Variants in C1orf87 observed in about 807,000 individuals in gnomAD.
C1orf87 encodes the protein chromosome 1 open reading frame 87.
Under a neutral mutation model 60.5 loss-of-function variants are expected in C1orf87, and 58 were observed. That is an observed-to-expected ratio of 0.96 (90% CI 0.78 to 1.19). The LOEUF is 1.19. C1orf87 is among the 50% of genes most tolerant of loss of function. The pLI, the probability that C1orf87 is intolerant of heterozygous loss-of-function variation, is 0.00. For synonymous variants in C1orf87, 236 were observed against 227.4 expected (o/e 1.04, Z -0.34); for missense variants, 673 against 638.6 (o/e 1.05, Z -0.58).
intron 8 of C1orf87, among the ~76,000 whole-genome samples, chr1:60,022,825 A>T (rs1645173207): frequency 1.3e-5 from 2 of 152,192 alleles, no homozygotes; most frequent in Non-Finnish European, 1.5e-5. Flanking sequence ...TGATACCATG[A>T]CAGTCAATCT....
At chr1:60,001,889 C>T (rs1423586207) in intron 9 of C1orf87, among the ~76,000 whole-genome samples, 1 of 152,030 alleles carries the variant, frequency 6.6e-6, no homozygotes, top group Non-Finnish European at 1.5e-5. Flanking sequence ...AGGCTGCTGC[C>T]TTCATGAACA....
chr1:60,028,851 T>C (rs1574309204), intron 7 of C1orf87, among the ~76,000 whole-genome samples: 1 of 152,026 alleles, frequency 6.6e-6, no homozygotes, highest in South Asian at 2.1e-4. Context: ...TTTTTTTTTT[T>C]CCACTCCCAT....
At chr1:60,014,228 T>C (rs1304868360) in intron 8 of C1orf87, among the ~76,000 whole-genome samples, 1 of 152,052 alleles carries the variant, frequency 6.6e-6, no homozygotes, top group African/African-American at 2.4e-5. Context: ...ACAACACTTG[T>C]GTAATTTTCT....
chr1:59,991,133 A>G (rs1160571987), intron 11 of C1orf87, among the ~76,000 whole-genome samples: 1 of 152,204 alleles, frequency 6.6e-6, no homozygotes, highest in Non-Finnish European at 1.5e-5. Flanking sequence ...AAAACTTGTA[A>G]GGCCAATTTT....
In C1orf87 at chr1:60,065,014, T is replaced by A. The variant is rs867832992; in HGVS notation, c.107+7523A>T. 1.4e-4 allele frequency among the ~76,000 whole-genome samples: 3 copies of A among 20,874 alleles called. 1 individual carries two copies. The highest frequency in any genetic ancestry group is 1.1e-3 in the Admixed American group (2 of 1,758). 13.7% of individuals were successfully genotyped at this position (20,874 alleles called of 152,430 possible). A position where few individuals can be genotyped will look rare whatever the true frequency, so the allele number is the denominator to read the frequency against. ...ATACATATAAATATTAAATATATAT[T>A]AAATATATATATTTAATATATATAT... On this transcript the variant is annotated intron_variant, in intron 2 of 11. Coordinates refer to ENST00000371201, the MANE Select transcript of C1orf87 (RefSeq NM_152377.3).
At chr1:60,059,984 C>A (rs940048691) in intron 2 of C1orf87, among the ~76,000 whole-genome samples, 2 of 151,910 alleles carry the variant, frequency 1.3e-5, no homozygotes, top group African/African-American at 4.8e-5. Context: ...GAGGGGAGTA[C>A]AGCTGAAAAA....
At chr1:60,007,389 T>C (rs918685632) in intron 9 of C1orf87, among the ~76,000 whole-genome samples, 2 of 152,184 alleles carry the variant, frequency 1.3e-5, no homozygotes, top group African/African-American at 2.4e-5. Flanking sequence ...AGATATTCCA[T>C]TTGATTCCTT....
chr1:60,004,809 G>T (rs1645031115), intron 9 of C1orf87, among the ~76,000 whole-genome samples: 2 of 151,942 alleles, frequency 1.3e-5, no homozygotes, highest in African/African-American at 4.8e-5. Context: ...GGAGGGCCAG[G>T]TTTTACAGGG....
At chr1:60,029,999 T>C (rs1645226105) in intron 7 of C1orf87, among the ~76,000 whole-genome samples, 1 of 152,128 alleles carries the variant, frequency 6.6e-6, no homozygotes, top group South Asian at 2.1e-4. Flanking sequence ...GTTTACATCA[T>C]CTCCTCTGGA....
chr1:60,043,467 C>T (rs184170721), intron 3 of C1orf87, among the ~76,000 whole-genome samples: 88 of 152,134 alleles, frequency 5.8e-4, no homozygotes, highest in African/African-American at 2.0e-3. Context: ...CTGCAACTTC[C>T]GCCTTCTGGG....
intron 11 of C1orf87, among the ~76,000 whole-genome samples, chr1:59,996,506 C>T (rs1327073126): frequency 6.6e-6 from 1 of 152,140 alleles, no homozygotes; most frequent in Admixed American, 6.5e-5. Flanking sequence ...CTCCAAATTC[C>T]TTGGTCTGGC....
At position 60,038,062 on chromosome 1, in the gene C1orf87, CT is replaced by C; in HGVS notation, c.792del (p.Asp265IlefsTer12). The C allele has an allele frequency of 6.2e-7, 1 of 1,609,602 alleles. No individual in the cohort carries two copies. Among genetic ancestry groups the C allele is most frequent in the Middle Eastern group, 1.7e-4 (1 of 6,052 alleles). ...GCTGCTTTATTTTGCTGTGGATAAT[CT>C]GATGCTGCACTGTTTAAAAACCAGA... ...KLLWFLNSAA[S>X]DYPQQNKAAA... On this transcript the variant is annotated frameshift_variant, in exon 6 of 12. Coordinates refer to ENST00000371201, the MANE Select transcript of C1orf87 (RefSeq NM_152377.3). LOFTEE classifies it high-confidence loss of function.
chr1:60,065,062 T>TATA (rs1645535804), intron 2 of C1orf87, among the ~76,000 whole-genome samples: 1 of 124,076 alleles, frequency 8.1e-6, no homozygotes, highest in African/African-American at 3.0e-5. Flanking sequence ...AAAATATATA[T>TATA]TATTTATATA....
intron 3 of C1orf87, among the ~76,000 whole-genome samples, chr1:60,044,752 T>G (rs1645353769): frequency 6.6e-6 from 1 of 152,118 alleles, no homozygotes; most frequent in South Asian, 2.1e-4. Flanking sequence ...TTATCAAGAT[T>G]CCCCAGGTTT....
At chr1:60,044,215 A>G (rs991806156) in intron 3 of C1orf87, among the ~76,000 whole-genome samples, 4 of 152,046 alleles carry the variant, frequency 2.6e-5, no homozygotes, top group Non-Finnish European at 5.9e-5. Flanking sequence ...TATTTTTAGT[A>G]GAGACGGGGT....
At chr1:60,041,588 A>G (rs1015743213) in intron 3 of C1orf87, among the ~76,000 whole-genome samples, 1 of 152,252 alleles carries the variant, frequency 6.6e-6, no homozygotes. Context: ...AAAAGTTACA[A>G]TAGCATAAAT....
intron 9 of C1orf87, chr1:60,008,580 G>C: frequency 3.2e-6 from 1 of 311,344 alleles, no homozygotes; most frequent in Non-Finnish European, 6.5e-6. Flanking sequence ...AGGAAATTTA[G>C]ACCTATAGAG....
Position 60,049,260 on chromosome 1 carries a change from T to C in C1orf87, c.342+5944A>G, listed in dbSNP as rs1645395714. Among the ~76,000 whole-genome samples, 3 of 152,094 alleles carry C rather than the reference T, an allele frequency of 2.0e-5. 1 individual carries two copies. In the South Asian group the frequency reaches 6.2e-4, roughly 32 times the overall value. On this transcript the variant is annotated intron_variant, in intron 3 of 11. Transcript: ENST00000371201. ...CCAACAAAGTATATTATCAATATTA[T>C]GGATTTTGCCAAATTATGTTATCAA...
chr1:60,039,894 T>G (rs936220163), intron 5 of C1orf87, 23 bp downstream of exon 5: 3 of 1,601,148 alleles, frequency 1.9e-6, no homozygotes, highest in African/African-American at 2.7e-5. Flanking sequence ...GAACCCACAC[T>G]TCCAATAGTA....
Sources: allele counts gnomAD v4.1 joint callset (sites outside exome capture counted in the v4.1 genomes callset), GRCh38; gene constraint gnomAD v4.1.1; transcripts MANE v1.5; gene names NCBI Gene and HGNC (gene_info 2026-07-23, HGNC 2026-07-21).